The following RNF217 variants were observed in gnomAD, a reference collection of about 807,000 sequenced individuals.
RNF217 encodes E3 ubiquitin-protein ligase RNF217.
RNF217 carries 31 observed loss-of-function variants against 57.8 expected under a neutral mutation model. The ratio of observed to expected loss-of-function variants is 0.54; its 90% CI spans 0.40 to 0.72. The LOEUF is 0.72. Ranked by LOEUF, RNF217 falls within the 30% of genes least tolerant of loss-of-function variation. RNF217 has a pLI of 0.00. For synonymous variants in RNF217, 313 were observed against 294.0 expected (o/e 1.06, Z -0.66); for missense variants, 696 against 708.3 (o/e 0.98, Z 0.20).
rs1783387412 is a variant in RNF217 at position 124,963,427 on chromosome 6, G to GTAAC, written c.882+3_882+6dup. 6.9e-7 allele frequency: 1 copy of GTAAC among 1,455,952 alleles called. No homozygotes were observed. The highest frequency in any genetic ancestry group is 1.4e-5 in the African/African-American group (1 of 70,578). The allele number at this position is 1,455,952 out of a possible 1,614,324, so 90.2% of individuals were successfully genotyped here. On this transcript the variant is annotated splice_donor_variant, in intron 1 of 5. Coordinates refer to ENST00000521654, the MANE Select transcript of RNF217 (RefSeq NM_001286398.3). LOFTEE classifies it high-confidence loss of function. Reference sequence around the variant, plus strand: ...CCTCAAAGTCTACCTGAGCGCCCAGGTAACTTCACCCCCTTCTCTTCCCCA... The same window carrying GTAAC: ...CCTCAAAGTCTACCTGAGCGCCCAGGTAACTAACTTCACCCCCTTCTCTTCCCCA...
At chr6:125,019,837 G>GC (rs1785760694) in intron 1 of RNF217, among the ~76,000 whole-genome samples, 1 of 148,530 alleles carries the variant, frequency 6.7e-6, no homozygotes, top group South Asian at 2.2e-4. Context: ...TTGCAGTGGG[G>GC]GGGGAGTGAA....
At chr6:124,995,688 G>A (rs575279860) in intron 1 of RNF217, among the ~76,000 whole-genome samples, 130 of 152,206 alleles carry the variant, frequency 8.5e-4, no homozygotes, top group South Asian at 4.2e-3. Flanking sequence ...TTGGGAGGTC[G>A]AGGTGGGTGG....
intron 2 of RNF217, among the ~76,000 whole-genome samples, chr6:125,049,572 G>A (rs535021962): frequency 5.5e-4 from 83 of 151,888 alleles, no homozygotes; most frequent in Middle Eastern, 3.4e-3. Context: ...CTTGAGTATC[G>A]TTTCCACGTC....
At chr6:125,025,798 G>C (rs1404749195) in intron 1 of RNF217, among the ~76,000 whole-genome samples, 1 of 151,868 alleles carries the variant, frequency 6.6e-6, no homozygotes, top group Non-Finnish European at 1.5e-5. Flanking sequence ...GGAAGGAAGG[G>C]ATATTTACAA....
intron 4 of RNF217, among the ~76,000 whole-genome samples, chr6:125,077,516 C>T (rs975609942): frequency 7.9e-5 from 12 of 152,164 alleles, no homozygotes; most frequent in African/African-American, 2.9e-4. Context: ...ACAACCCCTT[C>T]CCACACTGGT....
At chr6:125,009,521 A>C in intron 1 of RNF217, 2 of 409,336 alleles carry the variant, frequency 4.9e-6, no homozygotes, top group East Asian at 3.5e-5. Flanking sequence ...AGCTATATCA[A>C]TGTACTCATT....
intron 1 of RNF217, among the ~76,000 whole-genome samples, chr6:125,032,803 A>G (rs776502315): frequency 2.0e-5 from 3 of 152,186 alleles, no homozygotes; most frequent in Non-Finnish European, 4.4e-5. Flanking sequence ...TTCAGATAGT[A>G]AGGAGGGAAG....
At chr6:125,079,122 G>A (rs1241754706) in intron 4 of RNF217, among the ~76,000 whole-genome samples, 1 of 152,080 alleles carries the variant, frequency 6.6e-6, no homozygotes, top group Non-Finnish European at 1.5e-5. Flanking sequence ...TTCATTCCGT[G>A]TAACCACGTG....
At chr6:125,063,634 C>A (rs1787829769) in intron 3 of RNF217, among the ~76,000 whole-genome samples, 1 of 151,974 alleles carries the variant, frequency 6.6e-6, no homozygotes, top group Admixed American at 6.6e-5. Flanking sequence ...CAGATCATCA[C>A]TATTAAGTGA....
At chr6:124,966,086 G>A (rs2114975659) in intron 1 of RNF217, among the ~76,000 whole-genome samples, 2 of 152,252 alleles carry the variant, frequency 1.3e-5, no homozygotes, top group East Asian at 1.9e-4. Flanking sequence ...AAAAGACAAA[G>A]GGCTTAAAGC....
rs1289479767 is a variant in RNF217 at position 125,086,819 on chromosome 6, C to T, written c.*3882C>T. ...AATTGTACTTTCTCTGCTGTGGTAT[C>T]AAGATTCAGTGGTGCTTGTCAGAAA... On this transcript the variant is annotated 3_prime_UTR_variant, in exon 6 of 6. Coordinates refer to ENST00000521654, the MANE Select transcript of RNF217 (RefSeq NM_001286398.3). 6.6e-6 allele frequency: 1 copy of T among 152,084 alleles called. No homozygotes were observed. The highest frequency in any genetic ancestry group is 2.4e-5 in the African/African-American group (1 of 41,428). The allele number at this position is 152,084 out of a possible 1,614,324, so 9.4% of individuals were successfully genotyped here.
At chr6:125,052,744 C>T (rs986916911) in intron 2 of RNF217, among the ~76,000 whole-genome samples, 4 of 152,102 alleles carry the variant, frequency 2.6e-5, no homozygotes, top group Non-Finnish European at 5.9e-5. Context: ...CACATCTCAT[C>T]TTCAAGAAAA....
At chr6:125,050,977 G>GA (rs1377783575) in intron 2 of RNF217, among the ~76,000 whole-genome samples, 1 of 151,744 alleles carries the variant, frequency 6.6e-6, no homozygotes, top group African/African-American at 2.4e-5. Context: ...CATTACCCTT[G>GA]AAAAAACATA....
rs1040879810 is a variant in RNF217, at chr6:125,084,816, T to C, written c.*1879T>C. 6.6e-6 allele frequency: 1 copy of C among 151,912 alleles called. No individual in the cohort carries two copies. The highest frequency in any genetic ancestry group is 1.5e-5 in the Non-Finnish European group (1 of 67,832). The allele number at this position is 151,912 out of a possible 1,614,324, so 9.4% of individuals were successfully genotyped here. A position where few individuals can be genotyped will look rare whatever the true frequency, so the allele number is the denominator to read the frequency against. On this transcript the variant is annotated 3_prime_UTR_variant, in exon 6 of 6. Transcript: ENST00000521654. ...GCTCTGTTTTCACAAATTTATCTTT[T>C]CATTCACCCATCCATCCATTTAACA...
At chr6:125,013,599 G>A (rs1329682914) in intron 1 of RNF217, among the ~76,000 whole-genome samples, 1 of 151,308 alleles carries the variant, frequency 6.6e-6, no homozygotes, top group Non-Finnish European at 1.5e-5. Context: ...TTTTAGTAAA[G>A]ACTTATAGAG....
Position 125,047,425 on chromosome 6 carries a change from T to C in RNF217, c.1116+1981T>C, listed in dbSNP as rs189311867. Among the ~76,000 whole-genome samples the C allele has an allele frequency of 2.0e-5, 3 of 152,160 alleles. No homozygotes were observed. In the East Asian group the frequency reaches 5.8e-4, roughly 30 times the overall value. Reference sequence around the variant, plus strand: ...ACACATGTATTGAGAGTGAAATATGTAAAAATTGACAAATAGAAGATTCTA... The same window carrying C: ...ACACATGTATTGAGAGTGAAATATGCAAAAATTGACAAATAGAAGATTCTA... On this transcript the variant is annotated intron_variant, in intron 2 of 5. Coordinates refer to ENST00000521654, the MANE Select transcript of RNF217 (RefSeq NM_001286398.3).
At chr6:124,994,072 A>T (rs923124573) in intron 1 of RNF217, among the ~76,000 whole-genome samples, 1 of 152,186 alleles carries the variant, frequency 6.6e-6, no homozygotes, top group African/African-American at 2.4e-5. Flanking sequence ...TCATGATGGA[A>T]GGAAGAGGAA....
At chr6:125,025,855 G>A (rs1242257514) in intron 1 of RNF217, among the ~76,000 whole-genome samples, 2 of 152,224 alleles carry the variant, frequency 1.3e-5, no homozygotes, top group African/African-American at 4.8e-5. Flanking sequence ...GGTGTTCTCA[G>A]CTGATCCTGT....
At chr6:125,034,599 C>G (rs1786521825) in intron 1 of RNF217, among the ~76,000 whole-genome samples, 2 of 152,038 alleles carry the variant, frequency 1.3e-5, no homozygotes, top group African/African-American at 4.8e-5. Flanking sequence ...GTTACTGTAG[C>G]CTTGTAGTAT....
Sources: allele counts gnomAD v4.1 joint callset (sites outside exome capture counted in the v4.1 genomes callset), GRCh38; gene constraint gnomAD v4.1.1; transcripts MANE v1.5; gene names NCBI Gene and HGNC (gene_info 2026-07-23, HGNC 2026-07-21).